Variants in ARNT observed in about 807,000 individuals in gnomAD.
The protein encoded by ARNT is aryl hydrocarbon receptor nuclear translocator, also known as class E basic helix-loop-helix protein 2.
Under a neutral mutation model 105.0 loss-of-function variants are expected in ARNT, and 30 were observed. The ratio of observed to expected loss-of-function variants is 0.29; its 90% CI spans 0.21 to 0.39. The LOEUF (loss-of-function observed/expected upper bound fraction) is 0.39, where lower values mean the gene tolerates loss of function less well. Ranked by LOEUF, ARNT falls within the 10% of genes least tolerant of loss-of-function variation. The probability of loss-of-function intolerance (pLI) is 1.00; values close to 1 mark genes in which losing one functional copy is unlikely to be tolerated. For missense variants in ARNT, 748 were observed against 978.7 expected (o/e 0.76, Z 3.15); for synonymous variants, 304 against 344.0 (o/e 0.88, Z 1.29).
chr1:150,862,120 C>T (rs929146505), intron 1 of ARNT, among the ~76,000 whole-genome samples: 1 of 152,108 alleles, frequency 6.6e-6, no homozygotes, highest in Non-Finnish European at 1.5e-5. Flanking sequence ...AATAAATACA[C>T]ACGTAGATCA....
intron 3 of ARNT, among the ~76,000 whole-genome samples, chr1:150,849,186 A>T (rs1233349732): frequency 1.3e-5 from 2 of 151,692 alleles, no homozygotes; most frequent in Admixed American, 1.3e-4. Context: ...CTGGGCAACA[A>T]GAGTGAAAAT....
At chr1:150,857,496 A>G (rs1664845144) in intron 2 of ARNT, among the ~76,000 whole-genome samples, 1 of 152,204 alleles carries the variant, frequency 6.6e-6, no homozygotes, top group Admixed American at 6.5e-5. Context: ...TATGTTACTC[A>G]TGTTACCACT....
At chr1:150,815,643 A>G (rs1431529553) in intron 19 of ARNT, among the ~76,000 whole-genome samples, 1 of 151,890 alleles carries the variant, frequency 6.6e-6, no homozygotes, top group East Asian at 1.9e-4. Context: ...GCGGATCACA[A>G]GGTCAGGAGG....
rs71580328 is a variant in ARNT at position 150,811,458 on chromosome 1, G to GCGCACA, written c.*562_*563insTGTGCG. ...GAGTGAAATACAGAAGCATGTGTGC[G>GCGCACA]CACACACACACACACACACATACAC... On this transcript the variant is annotated 3_prime_UTR_variant, in exon 22 of 22. Transcript: ENST00000358595. 776 of 228,988 alleles carry GCGCACA rather than the reference G, an allele frequency of 3.4e-3. 2 individuals are homozygous for GCGCACA. The highest frequency in any genetic ancestry group is 3.9e-3 in the East Asian group (63 of 16,236). 14.2% of individuals were successfully genotyped at this position (228,988 alleles called of 1,614,324 possible). A position where few individuals can be genotyped will look rare whatever the true frequency, so the allele number is the denominator to read the frequency against.
intron 4 of ARNT, among the ~76,000 whole-genome samples, 193 bp from the exon 5 acceptor site, chr1:150,842,661 T>C (rs587774490): frequency 1.3e-5 from 2 of 152,046 alleles, no homozygotes; most frequent in East Asian, 3.9e-4. Flanking sequence ...AATGGAATTA[T>C]AGGCAGGAAC....
At position 150,809,922 on chromosome 1, in the gene ARNT, T is replaced by G. The variant is rs761889480; in HGVS notation, c.*2099A>C. 8.9e-5 allele frequency: 20 copies of G among 224,108 alleles called. No homozygotes were observed. Among genetic ancestry groups the G allele is most frequent in the Middle Eastern group, 1.4e-3 (1 of 720 alleles). The allele number at this position is 224,108 out of a possible 1,614,324, so 13.9% of individuals were successfully genotyped here. A position where few individuals can be genotyped will look rare whatever the true frequency, so the allele number is the denominator to read the frequency against. ...AGGAGGACAAGTGAGGGGGGAGGCG[T>G]GCAATGTGATCAGAACCCTATGATT... On this transcript the variant is annotated 3_prime_UTR_variant, in exon 22 of 22. Coordinates refer to ENST00000358595, the MANE Select transcript of ARNT (RefSeq NM_001668.4).
At chr1:150,856,887 G>GT (rs1196322169) in intron 2 of ARNT, among the ~76,000 whole-genome samples, 2 of 152,230 alleles carry the variant, frequency 1.3e-5, no homozygotes, top group Non-Finnish European at 2.9e-5. Flanking sequence ...TTGAGCAGGA[G>GT]TTTGAGGCTG....
intron 1 of ARNT, among the ~76,000 whole-genome samples, chr1:150,868,731 C>A (rs890509864): frequency 6.6e-6 from 1 of 151,648 alleles, no homozygotes; most frequent in Non-Finnish European, 1.5e-5. Context: ...GAAACCCCGT[C>A]TCTACTAAAA....
At chr1:150,867,051 C>T (rs1168290169) in intron 1 of ARNT, among the ~76,000 whole-genome samples, 3 of 151,448 alleles carry the variant, frequency 2.0e-5, no homozygotes, top group Non-Finnish European at 1.5e-5. Flanking sequence ...ACTAAAGATA[C>T]AAAAAATTAG....
rs373648605 is a variant in ARNT at position 150,826,874 on chromosome 1, T to C, written c.1168-257A>G. On this transcript the variant is annotated intron_variant, in intron 12 of 21. Coordinates refer to ENST00000358595, the MANE Select transcript of ARNT (RefSeq NM_001668.4). Reference sequence around the variant, plus strand: ...GTTGGTCAGGCTGGTCTCGAACTCCTGACCTCAAGTGATCCACCCGCCTCG... The same window carrying C: ...GTTGGTCAGGCTGGTCTCGAACTCCCGACCTCAAGTGATCCACCCGCCTCG... 1.3e-3 allele frequency among the ~76,000 whole-genome samples: 201 copies of C among 152,152 alleles called. 1 individual carries two copies. The highest frequency in any genetic ancestry group is 4.6e-3 in the African/African-American group (192 of 41,508).
intron 1 of ARNT, among the ~76,000 whole-genome samples, chr1:150,864,644 G>A (rs1666223915): frequency 6.8e-6 from 1 of 146,198 alleles, no homozygotes; most frequent in African/African-American, 2.5e-5. Context: ...GATAGCATTG[G>A]GAGATATACC....
At chr1:150,841,290 T>C (rs929339558) in intron 5 of ARNT, among the ~76,000 whole-genome samples, 2 of 151,650 alleles carry the variant, frequency 1.3e-5, no homozygotes, top group African/African-American at 4.8e-5. Context: ...CACTTAAGAA[T>C]TCTACTTGAA....
In ARNT at chr1:150,810,575, TTAATA is replaced by T. The variant is rs369972465; in HGVS notation, c.*1441_*1445del. On this transcript the variant is annotated 3_prime_UTR_variant, in exon 22 of 22. Coordinates refer to ENST00000358595, the MANE Select transcript of ARNT (RefSeq NM_001668.4). ...GCTCCTCAGTCCCCTATGACTACAT[TTAATA>T]TATCTTCTCATTAATTCAGTCTTGC... 461 of 216,748 alleles carry T rather than the reference TTAATA, an allele frequency of 2.1e-3. 2 individuals carry two copies. The highest frequency in any genetic ancestry group is 9.8e-3 in the African/African-American group (433 of 44,394). 13.4% of individuals were successfully genotyped at this position (216,748 alleles called of 1,614,324 possible). A position where few individuals can be genotyped will look rare whatever the true frequency, so the allele number is the denominator to read the frequency against.
chr1:150,837,067 CAA>C (rs78105642), intron 6 of ARNT, among the ~76,000 whole-genome samples: 2 of 140,416 alleles, frequency 1.4e-5, no homozygotes. Flanking sequence ...GACCCTGTCT[CAA>C]AAAAAAAAAG....
intron 1 of ARNT, among the ~76,000 whole-genome samples, chr1:150,860,140 AG>A (rs775784543): frequency 2.0e-5 from 3 of 151,674 alleles, no homozygotes; most frequent in Non-Finnish European, 2.9e-5. Flanking sequence ...CATACTGTAT[AG>A]TGTACAATAT....
At chr1:150,833,248 A>G (rs917943537) in intron 8 of ARNT, among the ~76,000 whole-genome samples, 1 of 152,202 alleles carries the variant, frequency 6.6e-6, no homozygotes, top group East Asian at 1.9e-4. Flanking sequence ...TCAGGCCTGT[A>G]ATCTCAGCAC....
At chr1:150,856,028 C>T (rs962897010) in intron 2 of ARNT, among the ~76,000 whole-genome samples, 3 of 152,148 alleles carry the variant, frequency 2.0e-5, no homozygotes, top group East Asian at 1.9e-4. Flanking sequence ...TATATAATTA[C>T]ATAACTATTA....
chr1:150,823,966 C>T (rs1322264672), intron 13 of ARNT, among the ~76,000 whole-genome samples: 2 of 151,252 alleles, frequency 1.3e-5, no homozygotes, highest in Non-Finnish European at 1.5e-5. Context: ...CCTCAGCCTC[C>T]CAAGTAGCTG....
chr1:150,826,639 A>C, intron 12 of ARNT, 22 bp from the exon 13 acceptor site: 1 of 1,565,804 alleles, frequency 6.4e-7, no homozygotes, highest in Non-Finnish European at 8.8e-7. Context: ...AAAGAAGAGT[A>C]AGATATATAC....
Sources: gnomAD v4.1 joint callset for allele counts (sites outside exome capture counted in the v4.1 genomes callset) on GRCh38, gnomAD v4.1.1 for gene constraint, MANE v1.5 for transcripts, NCBI Gene and HGNC (gene_info 2026-07-23, HGNC 2026-07-21) for gene names.